The following ERC1 variants were observed in gnomAD, a reference collection of about 807,000 sequenced individuals.
ERC1 encodes the protein ELKS/RAB6-interacting/CAST family member 1, also known as RAB6 interacting protein 2.
In ERC1, 56 loss-of-function variants were observed where a neutral mutation model predicts 132.0. The observed-to-expected ratio is 0.42, with a 90% CI of 0.34 to 0.53. ERC1 has a LOEUF of 0.53. Among genes scored for constraint, ERC1 ranks in the 20% least tolerant of loss-of-function variants. The pLI is 0.03. For missense variants in ERC1, 1,202 were observed against 1,349.9 expected (o/e 0.89, Z 1.72); for synonymous variants, 478 against 476.1 (o/e 1.00, Z -0.05).
In ERC1 at chr12:1,444,710, C is replaced by T. The variant is rs764184040; in HGVS notation, c.3173C>T (p.Ala1058Val). The change falls in exon 18 of 19, where the codon GCG becomes GTG. Residue 1058 changes from alanine (A) to valine (V), a missense_variant. By Grantham distance (64) the Ala-to-Val change is moderately conservative. Coordinates refer to ENST00000360905, the MANE Select transcript of ERC1 (RefSeq NM_178040.4). ...PASYNLDDDQ[A>V]AWENELQKMT... ...TCCTATAACTTGGACGATGACCAGG[C>T]GGCTTGGGAGAATGAGCTGCAGAAG... 2.4e-5 allele frequency: 39 copies of T among 1,613,914 alleles called. No individual in the cohort carries two copies. The highest frequency in any genetic ancestry group is 3.1e-5 in the Non-Finnish European group (36 of 1,180,002).
intron 18 of ERC1, among the ~76,000 whole-genome samples, chr12:1,456,735 C>G (rs1052314339): frequency 6.6e-6 from 1 of 151,836 alleles, no homozygotes; most frequent in East Asian, 1.9e-4. Context: ...AAGCTCGGAT[C>G]TGAGTCTCAC....
chr12:1,052,426 T>C (rs543618783), intron 2 of ERC1, among the ~76,000 whole-genome samples: 2 of 152,336 alleles, frequency 1.3e-5, no homozygotes, highest in South Asian at 4.1e-4. Context: ...AAATATTGCC[T>C]TTTTGGTGAT....
At position 1,148,243 on chromosome 12, in the gene ERC1, A is replaced by G. The variant is rs118085566; in HGVS notation, c.1737+6456A>G. The stretch of plus-strand genomic sequence containing the variant: ...TAAAGATACTACCTGAGACTAAGTA[A>G]TTTATGAAGAAAAGAGGTTTAATTG... On this transcript the variant is annotated intron_variant, in intron 8 of 18. Transcript: ENST00000360905. Among the ~76,000 whole-genome samples, 26 of 152,344 alleles carry G rather than the reference A, an allele frequency of 1.7e-4. 1 individual carries two copies. In the East Asian group the frequency reaches 5.0e-3, roughly 29 times the overall value.
intron 8 of ERC1, chr12:1,153,093 T>G (rs1950984221): frequency 6.6e-6 from 1 of 152,278 alleles, no homozygotes; most frequent in South Asian, 2.1e-4. Flanking sequence ...CAGTCATAGC[T>G]TCTCTTTTCA....
intron 2 of ERC1, among the ~76,000 whole-genome samples, chr12:1,048,098 C>G (rs1156789754): frequency 6.6e-6 from 1 of 152,176 alleles, no homozygotes; most frequent in African/African-American, 2.4e-5. Flanking sequence ...ACTTCCCATA[C>G]TAGAGGGCGT....
At chr12:1,389,643 G>A (rs1364829470) in intron 16 of ERC1, among the ~76,000 whole-genome samples, 1 of 152,118 alleles carries the variant, frequency 6.6e-6, no homozygotes, top group Non-Finnish European at 1.5e-5. Context: ...TATCACAGGT[G>A]ATTGTGATCT....
At chr12:1,377,850 T>G (rs1050231524) in intron 16 of ERC1, among the ~76,000 whole-genome samples, 14 of 152,194 alleles carry the variant, frequency 9.2e-5, no homozygotes, top group Admixed American at 7.2e-4. Context: ...CCCAGTCTTG[T>G]TTATAGTACA....
intron 16 of ERC1, chr12:1,380,687 C>T (rs1402522723): frequency 1.3e-5 from 2 of 152,278 alleles, no homozygotes; most frequent in East Asian, 3.8e-4. Context: ...CCTTTTCAGC[C>T]ACTGGCCACT....
intron 12 of ERC1, among the ~76,000 whole-genome samples, chr12:1,229,478 G>A (rs182875027): frequency 2.0e-5 from 3 of 152,186 alleles, no homozygotes; most frequent in Admixed American, 2.0e-4. Context: ...GGACAACAAA[G>A]CAAGAATGAA....
chr12:1,377,622 A>G, intron 16 of ERC1, among the ~76,000 whole-genome samples: 1 of 152,138 alleles, frequency 6.6e-6, no homozygotes, highest in African/African-American at 2.4e-5. Flanking sequence ...TGCCTTTCTT[A>G]TTTTGACTTT....
At position 1,265,347 on chromosome 12, in the gene ERC1, T is replaced by C. The variant is rs531077824; in HGVS notation, c.2619+2182T>C. On this transcript the variant is annotated intron_variant, in intron 14 of 18. Coordinates refer to ENST00000360905, the MANE Select transcript of ERC1 (RefSeq NM_178040.4). ...CATTATGGGATACAGACTTCTGTTA[T>C]GTATTTTCCTTTTTGAGGCTATTGT... Among the ~76,000 whole-genome samples, 3 of 152,346 alleles carry C rather than the reference T, an allele frequency of 2.0e-5. No individual in the cohort carries two copies. In the South Asian group the frequency reaches 6.2e-4, roughly 32 times the overall value.
chr12:1,226,791 C>T (rs148903058), intron 12 of ERC1, among the ~76,000 whole-genome samples: 1 of 152,282 alleles, frequency 6.6e-6, no homozygotes, highest in Non-Finnish European at 1.5e-5. Context: ...ATTTTTCTGC[C>T]TCAGCCTCTT....
At chr12:1,224,987 G>A (rs1201819101) in intron 12 of ERC1, among the ~76,000 whole-genome samples, 1 of 151,270 alleles carries the variant, frequency 6.6e-6, no homozygotes, top group Admixed American at 6.6e-5. Context: ...TAAAAAGAAA[G>A]AAAGAAAGAA....
At chr12:1,402,453 C>T (rs759493409) in intron 16 of ERC1, among the ~76,000 whole-genome samples, 13 of 150,868 alleles carry the variant, frequency 8.6e-5, no homozygotes, top group Non-Finnish European at 1.8e-4. Flanking sequence ...TCGCTTGAAC[C>T]CGGAGGTTGT....
In ERC1 at chr12:1,064,301, C is replaced by T. The variant is rs75664170; in HGVS notation, c.670-18863C>T. ...TAGTCACAGGCACAATCATGTCTCACGACAGCCCTCCAACTCTTGGCCTCA... is the reference window on the plus strand; with the variant it reads ...TAGTCACAGGCACAATCATGTCTCATGACAGCCCTCCAACTCTTGGCCTCA... On this transcript the variant is annotated intron_variant, in intron 2 of 18. Coordinates refer to ENST00000360905, the MANE Select transcript of ERC1 (RefSeq NM_178040.4). Among the ~76,000 whole-genome samples the T allele has an allele frequency of 3.4e-3, 517 of 151,958 alleles. 2 individuals are homozygous for T. Among genetic ancestry groups the T allele is most frequent in the Non-Finnish European group, 5.7e-3 (385 of 67,966 alleles).
intron 10 of ERC1, among the ~76,000 whole-genome samples, chr12:1,182,903 G>A (rs758686072): frequency 1.2e-4 from 18 of 152,192 alleles, no homozygotes; most frequent in Admixed American, 1.1e-3. Context: ...CTGGCCTCAA[G>A]TGATCCCCCT....
chr12:990,722 G>C (rs1407031336), upstream of ERC1: 1 of 152,348 alleles, frequency 6.6e-6, no homozygotes, highest in East Asian at 1.9e-4. Context: ...CAGCAGCCAG[G>C]GTCGATCCCG....
At chr12:1,329,226 G>C (rs1045341583) in intron 15 of ERC1, among the ~76,000 whole-genome samples, 1 of 145,452 alleles carries the variant, frequency 6.9e-6, no homozygotes, top group Non-Finnish European at 1.5e-5. Flanking sequence ...CCCCAGAGGC[G>C]GAGGTTGGAG....
At chr12:1,345,833 G>T (rs909082748) in intron 15 of ERC1, among the ~76,000 whole-genome samples, 8 of 152,044 alleles carry the variant, frequency 5.3e-5, no homozygotes, top group African/African-American at 1.7e-4. Context: ...ATCTTCACTT[G>T]ACTATTTCAG....
Sources: allele counts gnomAD v4.1 joint callset (sites outside exome capture counted in the v4.1 genomes callset), GRCh38; gene constraint gnomAD v4.1.1; transcripts MANE v1.5; gene names NCBI Gene and HGNC (gene_info 2026-07-23, HGNC 2026-07-21).